The following PDZRN3 variants were observed in gnomAD, a reference collection of about 807,000 sequenced individuals.
The protein encoded by PDZRN3 is PDZ domain containing ring finger 3.
In PDZRN3, 38 loss-of-function variants were observed where a neutral mutation model predicts 85.7. The observed-to-expected ratio is 0.44, with a 90% CI of 0.34 to 0.58. The LOEUF is 0.58. Ranked by LOEUF, PDZRN3 falls within the 20% of genes least tolerant of loss-of-function variation. The pLI is 0.01. For synonymous variants in PDZRN3, 759 were observed against 638.0 expected, an observed-to-expected ratio of 1.19 and a Z score of -2.86; for missense variants, 1,629 against 1,506.4, an observed-to-expected ratio of 1.08 and a Z score of -1.35.
At chr3:73,535,333 A>C (rs1249293158) in intron 3 of PDZRN3, among the ~76,000 whole-genome samples, 1 of 152,158 alleles carries the variant, frequency 6.6e-6, no homozygotes, top group Admixed American at 6.5e-5. Flanking sequence ...ATGATCATGC[A>C]TTTCTTCACA....
chr3:73,561,547 T>C (rs1701814601), intron 3 of PDZRN3: 1 of 152,236 alleles, frequency 6.6e-6, no homozygotes, highest in African/African-American at 2.4e-5. Flanking sequence ...AACATTTGGA[T>C]GCGTCAGCTC....
At chr3:73,600,978 G>A (rs1244663836) in intron 3 of PDZRN3, among the ~76,000 whole-genome samples, 1 of 152,078 alleles carries the variant, frequency 6.6e-6, no homozygotes, top group Non-Finnish European at 1.5e-5. Flanking sequence ...ACATTCAAAG[G>A]GGATGCAACA....
rs148040596 is a variant in PDZRN3, at chr3:73,543,601, C to T, written c.918+58753G>A. Among the ~76,000 whole-genome samples, 145 of 152,332 alleles carry T rather than the reference C, an allele frequency of 9.5e-4. 2 individuals carry two copies. The East Asian group carries it at 0.023, about 24-fold the overall frequency. On this transcript the variant is annotated intron_variant, in intron 3 of 9. Coordinates refer to ENST00000263666, the MANE Select transcript of PDZRN3 (RefSeq NM_015009.3). ...AATATTTCCTTTAGGCTTCTCAGCT[C>T]TTCCACAGTCCAATTCCAAGGAAAG...
intron 3 of PDZRN3, among the ~76,000 whole-genome samples, chr3:73,454,597 T>C (rs1362346776): frequency 6.6e-6 from 1 of 152,162 alleles, no homozygotes; most frequent in Non-Finnish European, 1.5e-5. Flanking sequence ...CATCTAAGAA[T>C]ACAGTCATTG....
At chr3:73,484,656 G>A (rs552759293) in intron 3 of PDZRN3, among the ~76,000 whole-genome samples, 7 of 152,336 alleles carry the variant, frequency 4.6e-5, no homozygotes, top group Admixed American at 2.6e-4. Context: ...GTACCTTGAA[G>A]AGGACTAGGT....
intron 7 of PDZRN3, among the ~76,000 whole-genome samples, chr3:73,389,547 AAGG>A (rs1453789063): frequency 6.6e-6 from 1 of 152,188 alleles, no homozygotes; most frequent in Admixed American, 6.5e-5. Context: ...GAAACAAAAT[AAGG>A]AGAACTGGCT....
chr3:73,418,420 T>C (rs747889450), intron 3 of PDZRN3, among the ~76,000 whole-genome samples: 7 of 152,218 alleles, frequency 4.6e-5, no homozygotes, highest in Non-Finnish European at 8.8e-5. Flanking sequence ...ATAGTATACT[T>C]GCATCTGAAG....
intron 3 of PDZRN3, chr3:73,593,866 C>T (rs1480294526): frequency 6.6e-6 from 1 of 152,034 alleles, no homozygotes; most frequent in East Asian, 1.9e-4. Flanking sequence ...GAGCATTTTT[C>T]CCCTGCAAAG....
chr3:73,404,335 C>G lies in PDZRN3; in HGVS notation c.979G>C (p.Ala327Pro). The change falls in exon 4 of 10, where the codon GCC (alanine) becomes CCC (proline). Residue 327 changes from alanine (A) to proline (P), a missense_variant. Transcript: ENST00000263666. ...HDQAVEAFKT[A>P]KEPIVVQVLR... ...ACCTGCACCACTATGGGCTCCTTGG[C>G]TGTCTTGAAAGCTTCCACAGCCTGG... 4 of 1,614,188 alleles carry G rather than the reference C, an allele frequency of 2.5e-6. No individual in the cohort carries two copies. Among genetic ancestry groups the G allele is most frequent in the Non-Finnish European group, 3.4e-6 (4 of 1,180,030 alleles).
At chr3:73,443,479 C>CTTTT (rs768320565) in intron 3 of PDZRN3, among the ~76,000 whole-genome samples, 3,379 of 47,588 alleles carry the variant, frequency 0.071, 292 homozygotes, top group African/African-American at 0.16. Context: ...TTTCCTTTTT[C>CTTTT]TTTTTTTTTT....
chr3:73,444,658 G>C (rs773090239), intron 3 of PDZRN3, among the ~76,000 whole-genome samples: 2 of 152,188 alleles, frequency 1.3e-5, no homozygotes, highest in African/African-American at 2.4e-5. Context: ...AACCATAAAG[G>C]GGGAGAGAAG....
intron 3 of PDZRN3, among the ~76,000 whole-genome samples, chr3:73,415,984 CAA>C (rs34623609): frequency 0.067 from 4,177 of 62,208 alleles, 198 homozygotes; most frequent in African/African-American, 0.19. Context: ...CTTTCATCAC[CAA>C]AAAAAAAAAA....
At chr3:73,476,821 A>G (rs1703468737) in intron 3 of PDZRN3, among the ~76,000 whole-genome samples, 1 of 152,192 alleles carries the variant, frequency 6.6e-6, no homozygotes, top group African/African-American at 2.4e-5. Context: ...GTGAGCCGTC[A>G]TGGAAGCCGA....
Position 73,453,424 on chromosome 3 carries a change from C to CAA in PDZRN3, c.919-49031_919-49030dup, listed in dbSNP as rs372949149. ...CGTCTCAAAAAAAAAAAAAAAAAAA[C>CAA]AAAAAAAAAAAACAAAGAAAGAAGA... On this transcript the variant is annotated intron_variant, in intron 3 of 9. Transcript: ENST00000263666. Among the ~76,000 whole-genome samples, 465 of 96,664 alleles carry CAA rather than the reference C, an allele frequency of 4.8e-3. 2 individuals carry two copies. The highest frequency in any genetic ancestry group is 0.02 in the African/African-American group (435 of 21,546). The allele number at this position is 96,664 out of a possible 152,430, so 63.4% of individuals were successfully genotyped here.
intron 6 of PDZRN3, among the ~76,000 whole-genome samples, chr3:73,390,635 ATGTGTG>A (rs746695153): frequency 7.2e-6 from 1 of 139,378 alleles, no homozygotes; most frequent in Non-Finnish European, 1.5e-5. Flanking sequence ...AGAAAAAAAA[ATGTGTG>A]TGTGTGTGTG....
chr3:73,422,002 T>G (rs1384618706), intron 3 of PDZRN3, among the ~76,000 whole-genome samples: 1 of 152,224 alleles, frequency 6.6e-6, no homozygotes, highest in Non-Finnish European at 1.5e-5. Flanking sequence ...TTTGGGTCTT[T>G]ATATGATGTT....
chr3:73,413,625 C>T (rs557873278), intron 3 of PDZRN3, among the ~76,000 whole-genome samples: 61 of 152,184 alleles, frequency 4.0e-4, no homozygotes, highest in African/African-American at 1.4e-3. Context: ...TTCTAACCAC[C>T]GAGCAGCACA....
intron 3 of PDZRN3, among the ~76,000 whole-genome samples, chr3:73,457,818 C>A (rs911454665): frequency 6.6e-6 from 1 of 152,140 alleles, no homozygotes; most frequent in Non-Finnish European, 1.5e-5. Context: ...GAGGATGCAG[C>A]AAGAAGGCAT....
At chr3:73,456,158 C>T (rs72884277) in intron 3 of PDZRN3, among the ~76,000 whole-genome samples, 4,751 of 151,596 alleles carry the variant, frequency 0.031, 236 homozygotes, top group African/African-American at 0.11. Context: ...TAAATGTTGA[C>T]GTCTTAGGTA....
Sources: gnomAD v4.1 joint callset for allele counts (sites outside exome capture counted in the v4.1 genomes callset) on GRCh38, gnomAD v4.1.1 for gene constraint, MANE v1.5 for transcripts, NCBI Gene and HGNC (gene_info 2026-07-23, HGNC 2026-07-21) for gene names.